The following CAMSAP2 variants were observed in gnomAD, a reference collection of about 807,000 sequenced individuals.
CAMSAP2 encodes the protein calmodulin-regulated spectrin-associated protein 2.
Under a neutral mutation model 146.1 loss-of-function variants are expected in CAMSAP2, and 26 were observed. The ratio of observed to expected loss-of-function variants is 0.18; its 90% confidence interval spans 0.13 to 0.25. The LOEUF (loss-of-function observed/expected upper bound fraction) is 0.25. Among genes scored for constraint, CAMSAP2 ranks in the 10% least tolerant of loss-of-function variants. The pLI is 1.00. For synonymous variants in CAMSAP2, 499 were observed against 596.6 expected, an observed-to-expected ratio of 0.84 and a Z score of 2.38; for missense variants, 1,381 against 1,759.3, an observed-to-expected ratio of 0.78 and a Z score of 3.85.
chr1:200,747,754 T>TAATC (rs1332608397), intron 1 of CAMSAP2, among the ~76,000 whole-genome samples: 1 of 152,076 alleles, frequency 6.6e-6, no homozygotes, highest in African/African-American at 2.4e-5. Context: ...CTCACGCCTG[T>TAATC]AATCCCAGCA....
At chr1:200,850,881 A>T (rs1667602774) in intron 11 of CAMSAP2, among the ~76,000 whole-genome samples, 1 of 152,200 alleles carries the variant, frequency 6.6e-6, no homozygotes, top group Admixed American at 6.5e-5. Context: ...TCTAGTCAAA[A>T]ATCTTGCCTG....
At chr1:200,780,343 C>G (rs1665397642) in intron 2 of CAMSAP2, among the ~76,000 whole-genome samples, 1 of 152,108 alleles carries the variant, frequency 6.6e-6, no homozygotes, top group Admixed American at 6.6e-5. Flanking sequence ...GTTAAAAAAA[C>G]TTAACAGTCT....
At chr1:200,841,010 C>T (rs1035620645) in intron 6 of CAMSAP2, among the ~76,000 whole-genome samples, 1 of 151,540 alleles carries the variant, frequency 6.6e-6, no homozygotes, top group Non-Finnish European at 1.5e-5. Flanking sequence ...TTTTGAGGAC[C>T]CTTAATCCTT....
chr1:200,751,487 A>T (rs971816174), intron 1 of CAMSAP2, among the ~76,000 whole-genome samples: 1 of 136,750 alleles, frequency 7.3e-6, no homozygotes, highest in African/African-American at 2.8e-5. Context: ...GTGAGCCATG[A>T]TCGCACCATT....
chr1:200,809,717 C>T (rs767087593), intron 3 of CAMSAP2, among the ~76,000 whole-genome samples: 2 of 152,086 alleles, frequency 1.3e-5, no homozygotes, highest in Non-Finnish European at 1.5e-5. Flanking sequence ...GGTGACAGAG[C>T]GAGATCCTCT....
At position 200,857,067 on chromosome 1, in the gene CAMSAP2, T is replaced by G. The variant is rs531067909; in HGVS notation, c.4013-239T>G. 3.2e-4 allele frequency among the ~76,000 whole-genome samples: 49 copies of G among 152,294 alleles called. No homozygotes were observed. The highest frequency in any genetic ancestry group is 1.2e-3 in the African/African-American group (48 of 41,552). On this transcript the variant is annotated intron_variant, in intron 15 of 16. Transcript: ENST00000358823. The surrounding 1 kb of genome is among the most constrained non-coding windows in gnomAD (Gnocchi z 4.7). ...GCAGTATGACAGTTATAGCAATATT[T>G]TATTTTTAGTACTGCTCTCACAGGG...
At chr1:200,809,330 C>G (rs1462820333) in intron 3 of CAMSAP2, among the ~76,000 whole-genome samples, 2 of 152,244 alleles carry the variant, frequency 1.3e-5, no homozygotes, top group Non-Finnish European at 2.9e-5. Flanking sequence ...GAGTTTTCTA[C>G]TACTTGCTCT....
chr1:200,846,089 G>C (rs1299831909), intron 8 of CAMSAP2, among the ~76,000 whole-genome samples: 2 of 152,056 alleles, frequency 1.3e-5, no homozygotes, highest in Non-Finnish European at 2.9e-5. Context: ...TGGAAATTCA[G>C]ACACATTAAA....
At chr1:200,828,236 C>T (rs1242100918) in intron 4 of CAMSAP2, among the ~76,000 whole-genome samples, 1 of 152,008 alleles carries the variant, frequency 6.6e-6, no homozygotes, top group Admixed American at 6.6e-5. Context: ...ATTTTTACTT[C>T]CCTTTTGTGA....
intron 2 of CAMSAP2, among the ~76,000 whole-genome samples, chr1:200,801,258 A>G (rs1320758661): frequency 2.1e-5 from 3 of 145,416 alleles, no homozygotes; most frequent in Non-Finnish European, 4.5e-5. Context: ...GCAAGACTCC[A>G]TCTCAAAGAA....
intron 4 of CAMSAP2, among the ~76,000 whole-genome samples, chr1:200,829,961 C>G (rs1211903511): frequency 2.6e-5 from 4 of 151,528 alleles, no homozygotes; most frequent in East Asian, 1.9e-4. Flanking sequence ...AAAAATAAAA[C>G]AAACAACAAA....
intron 4 of CAMSAP2, among the ~76,000 whole-genome samples, chr1:200,817,481 G>A (rs1343055933): frequency 6.6e-6 from 1 of 152,014 alleles, no homozygotes; most frequent in Non-Finnish European, 1.5e-5. Context: ...AAAATGTATT[G>A]TAATTGGAAC....
chr1:200,744,326 A>G (rs1664262658), intron 1 of CAMSAP2, among the ~76,000 whole-genome samples: 1 of 152,170 alleles, frequency 6.6e-6, no homozygotes, highest in Admixed American at 6.5e-5. Context: ...TGAAAAGGGA[A>G]TGTGTAAGAG....
chr1:200,841,450 G>A (rs1667321548), intron 6 of CAMSAP2, among the ~76,000 whole-genome samples: 1 of 152,130 alleles, frequency 6.6e-6, no homozygotes, highest in African/African-American at 2.4e-5. Context: ...GTTTCACCTT[G>A]TTGGCCAGGC....
intron 7 of CAMSAP2, among the ~76,000 whole-genome samples, chr1:200,842,761 A>G (rs1558204691): frequency 2.0e-5 from 3 of 152,088 alleles, no homozygotes; most frequent in Non-Finnish European, 4.4e-5. Context: ...GGATTACCTG[A>G]GGTCAGGAGT....
chr1:200,811,597 C>A (rs1374671952), intron 3 of CAMSAP2, among the ~76,000 whole-genome samples: 2 of 152,160 alleles, frequency 1.3e-5, no homozygotes, highest in Non-Finnish European at 2.9e-5. Context: ...TCACCAGTAC[C>A]TCCAACAGAT....
intron 2 of CAMSAP2, among the ~76,000 whole-genome samples, chr1:200,766,030 T>C (rs1189847488): frequency 6.6e-6 from 1 of 152,176 alleles, no homozygotes; most frequent in African/African-American, 2.4e-5. Context: ...ACAAAACACT[T>C]GGAAGCATTG....
At chr1:200,762,791 T>A (rs1664836779) in intron 2 of CAMSAP2, among the ~76,000 whole-genome samples, 1 of 152,244 alleles carries the variant, frequency 6.6e-6, no homozygotes, top group African/African-American at 2.4e-5. Flanking sequence ...ATGAGGGGTT[T>A]GGTAGACTGC....
chr1:200,783,505 C>T (rs1665497023), intron 2 of CAMSAP2, among the ~76,000 whole-genome samples: 1 of 152,114 alleles, frequency 6.6e-6, no homozygotes, highest in Non-Finnish European at 1.5e-5. Context: ...TCTTTTGAGA[C>T]AAGGCCTTGC....
Sources: gnomAD v4.1 joint callset for allele counts (sites outside exome capture counted in the v4.1 genomes callset) on GRCh38, gnomAD v4.1.1 for gene constraint, Gnocchi (gnomAD v3.1) non-coding constraint, MANE v1.5 for transcripts, NCBI Gene and HGNC (gene_info 2026-07-23, HGNC 2026-07-21) for gene names.